The following VPS13B variants were observed in gnomAD, a reference collection of about 807,000 sequenced individuals.
VPS13B encodes the protein intermembrane lipid transfer protein VPS13B.
Under a neutral mutation model 426.4 loss-of-function variants are expected in VPS13B, and 285 were observed. That is an observed-to-expected ratio of 0.67 (90% confidence interval 0.61 to 0.74). The LOEUF (loss-of-function observed/expected upper bound fraction) is 0.74, where lower values mean the gene tolerates loss of function less well. Among genes scored for constraint, VPS13B ranks in the 30% least tolerant of loss-of-function variants. The pLI is 0.00. For synonymous variants in VPS13B, 1,676 were observed against 1,676.4 expected (o/e 1.00, Z 0.01); for missense variants, 4,537 against 4,782.6 (o/e 0.95, Z 1.51).
intron 57 of VPS13B, among the ~76,000 whole-genome samples, chr8:99,859,816 A>G (rs911805857): frequency 6.6e-6 from 1 of 152,212 alleles, no homozygotes; most frequent in African/African-American, 2.4e-5. Context: ...CAGAAACCCT[A>G]CACTGTGTTG....
intron 36 of VPS13B, among the ~76,000 whole-genome samples, chr8:99,702,177 G>A (rs896646261): frequency 5.9e-5 from 9 of 151,996 alleles, no homozygotes; most frequent in Non-Finnish European, 1.3e-4. Flanking sequence ...CCTCCTACCA[G>A]TAGTCATATT....
chr8:99,135,376 T>C (rs1157980203), intron 10 of VPS13B, among the ~76,000 whole-genome samples: 1 of 152,078 alleles, frequency 6.6e-6, no homozygotes, highest in African/African-American at 2.4e-5. Context: ...CATGAATCTT[T>C]CTTCTTTTTT....
At chr8:99,570,214 T>G (rs574657758) in intron 31 of VPS13B, among the ~76,000 whole-genome samples, 1 of 152,338 alleles carries the variant, frequency 6.6e-6, no homozygotes, top group Admixed American at 6.5e-5. Context: ...CTGTGCTTCC[T>G]GAGTCTATGA....
At chr8:99,094,257 A>T (rs1846314812) in intron 3 of VPS13B, among the ~76,000 whole-genome samples, 1 of 152,198 alleles carries the variant, frequency 6.6e-6, no homozygotes, top group Non-Finnish European at 1.5e-5. Context: ...GGCTTCTGAG[A>T]CAACCATATG....
chr8:99,540,094 T>C (rs1823532163), intron 30 of VPS13B, among the ~76,000 whole-genome samples: 1 of 96,656 alleles, frequency 1.0e-5, no homozygotes, highest in Admixed American at 1.2e-4. Flanking sequence ...TTTTTTTTTT[T>C]TTTGAGACGG....
chr8:99,525,547 A>G (rs1279099139), intron 30 of VPS13B, among the ~76,000 whole-genome samples: 4 of 152,196 alleles, frequency 2.6e-5, no homozygotes, highest in Admixed American at 6.5e-5. Flanking sequence ...AAAATCTTTC[A>G]AATTATAAAA....
At chr8:99,749,841 A>G (rs1264595109) in intron 39 of VPS13B, among the ~76,000 whole-genome samples, 1 of 152,028 alleles carries the variant, frequency 6.6e-6, no homozygotes, top group Non-Finnish European at 1.5e-5. Context: ...TAGTTGTACT[A>G]ATTTATATTC....
At chr8:99,157,250 TTGTGTGTGTGTA>T (rs1484573036) in intron 15 of VPS13B, among the ~76,000 whole-genome samples, 2 of 151,782 alleles carry the variant, frequency 1.3e-5, no homozygotes, top group African/African-American at 4.8e-5. Context: ...TTCATAGTAA[TTGTGTGTGTGTA>T]TGTGTGTGTG....
At chr8:99,564,709 C>G (rs941744986) in intron 31 of VPS13B, among the ~76,000 whole-genome samples, 4 of 152,178 alleles carry the variant, frequency 2.6e-5, no homozygotes, top group African/African-American at 9.7e-5. Flanking sequence ...TTGCAAAACT[C>G]TAAACTCTGA....
chr8:99,411,695 G>A (rs1051171864), intron 21 of VPS13B, among the ~76,000 whole-genome samples: 20 of 152,134 alleles, frequency 1.3e-4, no homozygotes, highest in Middle Eastern at 3.4e-3. Flanking sequence ...TATGGTTTTC[G>A]TCTTACATTT....
At chr8:99,765,114 T>G (rs1811148037) in intron 39 of VPS13B, among the ~76,000 whole-genome samples, 1 of 151,988 alleles carries the variant, frequency 6.6e-6, no homozygotes, top group South Asian at 2.1e-4. Flanking sequence ...GGCGTGATGG[T>G]GCATGCCTGT....
At chr8:99,335,664 A>T (rs1259739586) in intron 19 of VPS13B, among the ~76,000 whole-genome samples, 1 of 152,164 alleles carries the variant, frequency 6.6e-6, no homozygotes, top group South Asian at 2.1e-4. Flanking sequence ...ACTTCAGCAA[A>T]GTCTCAGGAT....
chr8:99,362,499 A>G (rs1445624130), intron 19 of VPS13B, among the ~76,000 whole-genome samples: 1 of 152,170 alleles, frequency 6.6e-6, no homozygotes, highest in Non-Finnish European at 1.5e-5. Flanking sequence ...ACGTTAATTT[A>G]GTTAATGATT....
intron 39 of VPS13B, among the ~76,000 whole-genome samples, chr8:99,752,942 A>T (rs545422609): frequency 6.6e-6 from 1 of 152,336 alleles, no homozygotes; most frequent in Admixed American, 6.5e-5. Context: ...AAGTAACTGA[A>T]ATACGGGAGT....
chr8:99,392,543 A>G (rs979605713), intron 21 of VPS13B, among the ~76,000 whole-genome samples: 5 of 152,066 alleles, frequency 3.3e-5, no homozygotes, highest in Admixed American at 1.3e-4. Context: ...AGAACCATCT[A>G]TCAAGTCTGT....
At chr8:99,382,074 C>A (rs764270851) in intron 19 of VPS13B, among the ~76,000 whole-genome samples, 2 of 151,966 alleles carry the variant, frequency 1.3e-5, no homozygotes, top group Admixed American at 1.3e-4. Context: ...CCATTTATTG[C>A]GTAGGGAATC....
intron 10 of VPS13B, 28 bp downstream of exon 10, chr8:99,135,165 G>C (rs1226379819): frequency 6.2e-7 from 1 of 1,611,934 alleles, no homozygotes; most frequent in Non-Finnish European, 8.5e-7. Flanking sequence ...ATCCTTTTTT[G>C]GATAGGATAT....
chr8:99,628,277 G>T (rs1828697616), intron 33 of VPS13B, among the ~76,000 whole-genome samples: 1 of 152,164 alleles, frequency 6.6e-6, no homozygotes, highest in Non-Finnish European at 1.5e-5. Flanking sequence ...TGCTAAAATA[G>T]AGACACCTGG....
intron 3 of VPS13B, among the ~76,000 whole-genome samples, chr8:99,084,957 A>G (rs1368463881): frequency 1.3e-5 from 2 of 152,124 alleles, no homozygotes; most frequent in Non-Finnish European, 2.9e-5. Flanking sequence ...AGTTCTGTAG[A>G]TGTCTATTAG....
Sources: gnomAD v4.1 joint callset for allele counts (sites outside exome capture counted in the v4.1 genomes callset) on GRCh38, gnomAD v4.1.1 for gene constraint, MANE v1.5 for transcripts, NCBI Gene and HGNC (gene_info 2026-07-23, HGNC 2026-07-21) for gene names.